PTPRD: variants seen among roughly 807,000 people sequenced by gnomAD.
PTPRD encodes the protein receptor-type tyrosine-protein phosphatase delta.
Under a neutral mutation model 214.5 loss-of-function variants are expected in PTPRD, and 34 were observed. The ratio of observed to expected loss-of-function variants is 0.16; its 90% CI spans 0.12 to 0.21. The LOEUF is 0.21. Ranked by LOEUF, PTPRD falls within the 10% of genes least tolerant of loss-of-function variation. PTPRD has a pLI of 1.00. For synonymous variants in PTPRD, 1,128 were observed against 845.7 expected, an observed-to-expected ratio of 1.33 and a Z score of -5.79; for missense variants, 2,545 against 2,398.7, an observed-to-expected ratio of 1.06 and a Z score of -1.27.
At chr9:8,332,415 A>G (rs1842379898) in intron 43 of PTPRD, among the ~76,000 whole-genome samples, 1 of 152,162 alleles carries the variant, frequency 6.6e-6, no homozygotes, top group South Asian at 2.1e-4. Context: ...AGTGGGAAGT[A>G]AAGCATCCCT....
intron 8 of PTPRD, among the ~76,000 whole-genome samples, chr9:9,402,966 G>GCAAAAAAAAAAAAC (rs770003250): frequency 1.3e-5 from 1 of 78,596 alleles, no homozygotes; most frequent in Non-Finnish European, 2.3e-5. Context: ...CTAATAGGGA[G>GCAAAAAAAAAAAAC]AAAAAAAAAA....
intron 14 of PTPRD, among the ~76,000 whole-genome samples, chr9:8,551,407 C>T (rs1045640794): frequency 6.6e-6 from 1 of 152,144 alleles, no homozygotes. Flanking sequence ...CTGTTTTCAA[C>T]AATCAAAACC....
At chr9:10,425,633 GT>G (rs892140110) in intron 2 of PTPRD, among the ~76,000 whole-genome samples, 2 of 151,900 alleles carry the variant, frequency 1.3e-5, no homozygotes, top group Admixed American at 1.3e-4. Context: ...TTTTCCACAA[GT>G]AAAAACTAAA....
chr9:9,053,983 T>C (rs2099691522), intron 10 of PTPRD, among the ~76,000 whole-genome samples: 1 of 152,168 alleles, frequency 6.6e-6, no homozygotes, highest in Non-Finnish European at 1.5e-5. Flanking sequence ...ACCAATTTGG[T>C]AATATGAGTG....
intron 2 of PTPRD, among the ~76,000 whole-genome samples, chr9:10,583,470 T>TC (rs2072766535): frequency 6.6e-6 from 1 of 151,576 alleles, no homozygotes; most frequent in African/African-American, 2.4e-5. Context: ...TTTTTTTTTT[T>TC]AGACGGAGTC....
intron 12 of PTPRD, among the ~76,000 whole-genome samples, chr9:8,717,328 G>C (rs1326892268): frequency 2.6e-5 from 4 of 152,156 alleles, no homozygotes; most frequent in Non-Finnish European, 4.4e-5. Flanking sequence ...CTCTCTGGCT[G>C]TCCCTTCTAT....
At chr9:8,688,575 A>AG (rs1411861477) in intron 12 of PTPRD, among the ~76,000 whole-genome samples, 1 of 151,484 alleles carries the variant, frequency 6.6e-6, no homozygotes, top group African/African-American at 2.4e-5. Flanking sequence ...AAAAAAAAAA[A>AG]AAAAGAAAAA....
intron 11 of PTPRD, among the ~76,000 whole-genome samples, chr9:8,768,492 G>T (rs1000654031): frequency 6.6e-6 from 1 of 152,136 alleles, no homozygotes; most frequent in Non-Finnish European, 1.5e-5. Context: ...GGAGGAGGCT[G>T]CAGTGAGCAC....
intron 2 of PTPRD, among the ~76,000 whole-genome samples, chr9:10,342,384 G>T (rs1313970870): frequency 1.3e-5 from 2 of 152,000 alleles, no homozygotes; most frequent in Non-Finnish European, 2.9e-5. Flanking sequence ...ACTATTGCCT[G>T]CCTTTTTACA....
At chr9:8,807,871 T>C (rs1315716417) in intron 11 of PTPRD, among the ~76,000 whole-genome samples, 1 of 152,190 alleles carries the variant, frequency 6.6e-6, no homozygotes, top group East Asian at 1.9e-4. Context: ...GTGGTATGTA[T>C]GGCGAGACAA....
At chr9:10,394,626 G>T (rs1040723755) in intron 2 of PTPRD, among the ~76,000 whole-genome samples, 4 of 151,750 alleles carry the variant, frequency 2.6e-5, no homozygotes, top group Non-Finnish European at 4.4e-5. Context: ...TGAGTAACTC[G>T]CACATCCTAA....
chr9:10,395,708 G>A (rs1410321691), intron 2 of PTPRD, among the ~76,000 whole-genome samples: 1 of 151,866 alleles, frequency 6.6e-6, no homozygotes, highest in Non-Finnish European at 1.5e-5. Flanking sequence ...CTGATCCACA[G>A]GGGCCAAATA....
intron 8 of PTPRD, among the ~76,000 whole-genome samples, chr9:9,447,703 T>C (rs2144965412): frequency 6.6e-6 from 1 of 152,270 alleles, no homozygotes; most frequent in East Asian, 1.9e-4. Flanking sequence ...GACTTCTACA[T>C]GTTCCCTTAA....
At chr9:9,999,136 T>C (rs992689024) in intron 4 of PTPRD, among the ~76,000 whole-genome samples, 1 of 152,178 alleles carries the variant, frequency 6.6e-6, no homozygotes, top group African/African-American at 2.4e-5. Context: ...CCAGGAGATC[T>C]GGTATTAGTG....
In PTPRD at chr9:9,614,351, T is replaced by C. The variant is rs148089411; in HGVS notation, c.-286-39570A>G. On this transcript the variant is annotated intron_variant, in intron 7 of 45. Coordinates refer to ENST00000381196, the MANE Select transcript of PTPRD (RefSeq NM_002839.4). Reference sequence around the variant, plus strand: ...GATTCTTACTTTTTCCCTGGCATCATGATCAGCATAGTAATTTTTCTTTTA... The same window carrying C: ...GATTCTTACTTTTTCCCTGGCATCACGATCAGCATAGTAATTTTTCTTTTA... Among the ~76,000 whole-genome samples the C allele has an allele frequency of 5.7e-3, 871 of 152,316 alleles. 5 individuals are homozygous for C. The highest frequency in any genetic ancestry group is 9.7e-3 in the Non-Finnish European group (661 of 68,008).
intron 8 of PTPRD, among the ~76,000 whole-genome samples, chr9:9,460,213 A>G (rs1332553750): frequency 6.6e-6 from 1 of 152,186 alleles, no homozygotes; most frequent in Non-Finnish European, 1.5e-5. Flanking sequence ...AAAGACTTCA[A>G]TGTAAGACCT....
At chr9:10,283,230 C>G (rs749747680) in intron 3 of PTPRD, among the ~76,000 whole-genome samples, 1 of 152,078 alleles carries the variant, frequency 6.6e-6, no homozygotes, top group African/African-American at 2.4e-5. Flanking sequence ...TTTCCCAAAA[C>G]TAGGACACAT....
chr9:8,710,053 G>T (rs753628563), intron 12 of PTPRD, among the ~76,000 whole-genome samples: 5 of 152,120 alleles, frequency 3.3e-5, no homozygotes, highest in African/African-American at 1.2e-4. Flanking sequence ...GCTAATAAGG[G>T]TTCTTAAAAC....
At chr9:9,709,582 T>C (rs905869280) in intron 7 of PTPRD, among the ~76,000 whole-genome samples, 6 of 152,104 alleles carry the variant, frequency 3.9e-5, no homozygotes, top group African/African-American at 1.2e-4. Flanking sequence ...TCTTAATACA[T>C]ACTACAAACC....
Sources: gnomAD v4.1 joint callset for allele counts (sites outside exome capture counted in the v4.1 genomes callset) on GRCh38, gnomAD v4.1.1 for gene constraint, MANE v1.5 for transcripts, NCBI Gene and HGNC (gene_info 2026-07-23, HGNC 2026-07-21) for gene names.